Variants in PCID2 observed in about 807,000 individuals in gnomAD.
PCID2 encodes PCI domain-containing protein 2.
Under a neutral mutation model 61.3 loss-of-function variants are expected in PCID2, and 41 were observed. The ratio of observed to expected loss-of-function variants is 0.67; its 90% CI spans 0.52 to 0.87. The LOEUF is 0.87. Among genes scored for constraint, PCID2 ranks in the 40% least tolerant of loss-of-function variants. PCID2 has a pLI of 0.00. For missense variants in PCID2, 392 were observed against 493.4 expected, an observed-to-expected ratio of 0.79 and a Z score of 1.95; for synonymous variants, 187 against 177.8, an observed-to-expected ratio of 1.05 and a Z score of -0.41.
the PCID2 span, chr13:113,165,261 A>C: frequency 1.3e-6 from 1 of 796,216 alleles, no homozygotes; most frequent in Non-Finnish European, 2.1e-6. Flanking sequence ...ACCAACCTCT[A>C]TTCACACTTC....
intron 6 of PCID2, among the ~76,000 whole-genome samples, chr13:113,194,454 C>G (rs779782251): frequency 1.2e-4 from 19 of 152,176 alleles, no homozygotes; most frequent in African/African-American, 2.4e-5. Flanking sequence ...CCTCCCATAG[C>G]CATGCCGGCC....
chr13:113,200,696 C>CTTTTTTTTTT (rs998821979), intron 1 of PCID2, 180 bp from the exon 2 acceptor site: 1 of 211,190 alleles, frequency 4.7e-6, no homozygotes, highest in African/African-American at 3.0e-5. Context: ...ACAATAATTT[C>CTTTTTTTTTT]TTTTTTTTTT....
intron 1 of PCID2, chr13:113,208,016 C>A (rs1274824241): frequency 6.2e-7 from 1 of 1,611,120 alleles, no homozygotes; most frequent in Admixed American, 1.7e-5. Flanking sequence ...TGTGCTTCTG[C>A]TACTTACAAG....
chr13:113,168,040 CT>C, the PCID2 span, among the ~76,000 whole-genome samples: 1 of 152,204 alleles, frequency 6.6e-6, no homozygotes, highest in Non-Finnish European at 1.5e-5. Context: ...AGCATGAGTC[CT>C]TACAGCAATC....
At chr13:113,172,316 A>G in the PCID2 span, 1 of 617,200 alleles carries the variant, frequency 1.6e-6, no homozygotes, top group African/African-American at 1.8e-5. Flanking sequence ...TCTTTATCTC[A>G]ATAGAGACCT....
chr13:113,173,829 A>C (rs2037151314), downstream of PCID2, among the ~76,000 whole-genome samples: 1 of 152,220 alleles, frequency 6.6e-6, no homozygotes, highest in Non-Finnish European at 1.5e-5. Flanking sequence ...AAATCAGCTA[A>C]TGAACATGGC....
the PCID2 span, chr13:113,172,150 A>C: frequency 6.2e-7 from 1 of 1,603,674 alleles, no homozygotes; most frequent in Non-Finnish European, 8.5e-7. Flanking sequence ...CGGAAGCGGG[A>C]TTCCAAGCTG....
At chr13:113,186,185 G>C in intron 7 of PCID2, 1 of 152,660 alleles carries the variant, frequency 6.6e-6, no homozygotes, top group Non-Finnish European at 1.5e-5. Flanking sequence ...CAGGCAGGAA[G>C]CAACCCACAG....
chr13:113,207,193 A>G (rs907848631), intron 1 of PCID2, among the ~76,000 whole-genome samples: 1 of 152,166 alleles, frequency 6.6e-6, no homozygotes, highest in Non-Finnish European at 1.5e-5. Flanking sequence ...TCTCAAATCT[A>G]TTTTTGCTAC....
At chr13:113,208,390 C>T (rs2040108403) in intron 1 of PCID2, 1 of 1,440,688 alleles carries the variant, frequency 6.9e-7, no homozygotes, top group Non-Finnish European at 9.1e-7. Context: ...CGCCCGGCCC[C>T]CACGGCGGCC....
At chr13:113,168,005 C>T in the PCID2 span, among the ~76,000 whole-genome samples, 8 of 152,176 alleles carry the variant, frequency 5.3e-5, no homozygotes, top group East Asian at 1.9e-4. Context: ...ACTCCACTTT[C>T]GCCGACGCCA....
At chr13:113,184,559 A>ATGT in intron 8 of PCID2, 72 bp from the exon 9 acceptor site, 1 of 830,526 alleles carries the variant, frequency 1.2e-6, no homozygotes, top group Non-Finnish European at 2.0e-6. Flanking sequence ...ATTACTAAGC[A>ATGT]TGTCTCCTTA....
chr13:113,201,014 G>T (rs1398419660), intron 1 of PCID2, among the ~76,000 whole-genome samples: 1 of 152,130 alleles, frequency 6.6e-6, no homozygotes, highest in Non-Finnish European at 1.5e-5. Context: ...TCTTCATGAA[G>T]ATGAATTATT....
At chr13:113,204,612 G>A (rs1161227303) in intron 1 of PCID2, among the ~76,000 whole-genome samples, 1 of 152,196 alleles carries the variant, frequency 6.6e-6, no homozygotes, top group African/African-American at 2.4e-5. Context: ...CCTGACCAGA[G>A]GAGGGCTCAG....
chr13:113,190,987 T>G lies in PCID2; in HGVS notation c.364-12A>C. On this transcript the variant is annotated splice_polypyrimidine_tract_variant and intron_variant, in intron 6 of 13. Coordinates refer to ENST00000337344, the MANE Select transcript of PCID2 (RefSeq NM_001127202.4). Reference sequence around the variant, plus strand: ...AACTGTTGATCTGCCTAATAAAATATAAGAACTTTTATTTCATTTTTCCGA... The same window carrying G: ...AACTGTTGATCTGCCTAATAAAATAGAAGAACTTTTATTTCATTTTTCCGA... 1 of 1,576,118 alleles carries G rather than the reference T, an allele frequency of 6.3e-7. No homozygotes were observed. The highest frequency in any genetic ancestry group is 8.7e-7 in the Non-Finnish European group (1 of 1,146,650).
intron 7 of PCID2, 117 bp from the exon 8 acceptor site, chr13:113,185,677 T>C (rs965310569): frequency 7.3e-5 from 46 of 631,274 alleles, no homozygotes; most frequent in Non-Finnish European, 1.2e-4. Flanking sequence ...GCTCAAGTCA[T>C]ATTCATATCA....
chr13:113,202,124 A>AAG (rs1175787369), intron 1 of PCID2, among the ~76,000 whole-genome samples: 1 of 152,204 alleles, frequency 6.6e-6, no homozygotes, highest in Non-Finnish European at 1.5e-5. Context: ...AAATTTTTAG[A>AAG]AGAAAATTGG....
the PCID2 span, chr13:113,166,003 C>G: frequency 6.6e-6 from 1 of 152,246 alleles, no homozygotes; most frequent in Non-Finnish European, 1.5e-5. Flanking sequence ...TATATCTTCA[C>G]AAAATAGATA....
intron 4 of PCID2, among the ~76,000 whole-genome samples, chr13:113,196,437 TAC>T (rs1205429457): frequency 6.6e-6 from 1 of 152,248 alleles, no homozygotes; most frequent in Non-Finnish European, 1.5e-5. Context: ...ACTTATTTCA[TAC>T]ACACTGTCTC....
Sources: gnomAD v4.1 joint callset for allele counts (sites outside exome capture counted in the v4.1 genomes callset) on GRCh38, gnomAD v4.1.1 for gene constraint, MANE v1.5 for transcripts, NCBI Gene and HGNC (gene_info 2026-07-23, HGNC 2026-07-21) for gene names.